Variants in ERCC6 observed in about 807,000 individuals in gnomAD.
ERCC6 encodes DNA excision repair protein ERCC-6.
ERCC6 carries 116 observed loss-of-function variants against 158.7 expected under a neutral mutation model. The ratio of observed to expected loss-of-function variants is 0.73; its 90% confidence interval spans 0.63 to 0.85. ERCC6 has a LOEUF of 0.85. ERCC6 is among the 40% of genes least tolerant of loss of function. The pLI, the probability that ERCC6 is intolerant of heterozygous loss-of-function variation, is 0.00. For missense variants in ERCC6, 1,698 were observed against 1,799.4 expected (o/e 0.94, Z 1.02); for synonymous variants, 678 against 659.3 (o/e 1.03, Z -0.43).
chr10:49,506,529 ATTACT>A (rs754014388), intron 5 of ERCC6: 1 of 158,876 alleles, frequency 6.3e-6, no homozygotes, highest in African/African-American at 2.4e-5. Context: ...CACATTACTG[ATTACT>A]TAACTGGGGG....
chr10:49,512,557 T>C (rs2132591190), intron 5 of ERCC6, among the ~76,000 whole-genome samples: 1 of 152,340 alleles, frequency 6.6e-6, no homozygotes. Flanking sequence ...ACCAAAAGCA[T>C]AACATCAATA....
intron 3 of ERCC6, among the ~76,000 whole-genome samples, chr10:49,529,539 A>T (rs1837419788): frequency 6.6e-6 from 1 of 152,106 alleles, no homozygotes. Flanking sequence ...ATTTGGGAGG[A>T]CCCACCTGCC....
chr10:49,475,547 A>G (rs1029402376), intron 12 of ERCC6: 1 of 364,346 alleles, frequency 2.7e-6, no homozygotes, highest in African/African-American at 2.1e-5. Context: ...GATGGTTAAA[A>G]GAACTGAAAT....
the ERCC6 span, among the ~76,000 whole-genome samples, chr10:49,441,893 G>A: frequency 1.3e-5 from 2 of 152,216 alleles, no homozygotes; most frequent in African/African-American, 4.8e-5. Flanking sequence ...AACAAAAGCA[G>A]GCGGGAGAAA....
intron 2 of ERCC6, among the ~76,000 whole-genome samples, chr10:49,531,196 T>TGTCC (rs1837461876): frequency 6.6e-6 from 1 of 152,192 alleles, no homozygotes; most frequent in Non-Finnish European, 1.5e-5. Flanking sequence ...ATACATGGGT[T>TGTCC]TTTTAAGCCC....
At position 49,526,117 on chromosome 10, in the gene ERCC6, T is replaced by TTATA. The variant is rs55801003; in HGVS notation, c.653-1344_653-1341dup. On this transcript the variant is annotated intron_variant, in intron 4 of 20. Coordinates refer to ENST00000355832, the MANE Select transcript of ERCC6 (RefSeq NM_000124.4). ...TATATATTTATATATTTATATATTT[T>TTATA]TATATATATATATATATATATATAT... Among the ~76,000 whole-genome samples the TTATA allele has an allele frequency of 6.4e-3, 276 of 43,238 alleles. 1 individual carries two copies. The highest frequency in any genetic ancestry group is 8.8e-3 in the African/African-American group (101 of 11,502). 28.4% of individuals were successfully genotyped at this position (43,238 alleles called of 152,430 possible).
chr10:49,438,163 G>A, the ERCC6 span, among the ~76,000 whole-genome samples: 17 of 152,192 alleles, frequency 1.1e-4, no homozygotes, highest in African/African-American at 4.1e-4. Context: ...TGGCCAGGAA[G>A]GCATGGTCAG....
In ERCC6 at chr10:49,470,970, A is replaced by G; in HGVS notation, c.3070+5T>C. On this transcript the variant is annotated splice_donor_5th_base_variant and intron_variant, in intron 17 of 20. Coordinates refer to ENST00000355832, the MANE Select transcript of ERCC6 (RefSeq NM_000124.4). ...TACTTTAAATTAAATGATTTTATGT[A>G]ATACCTGCAAAAATTGCACTTGTTT... 7.4e-6 allele frequency: 12 copies of G among 1,613,982 alleles called. No individual in the cohort carries two copies. The highest frequency in any genetic ancestry group is 1.0e-5 in the Non-Finnish European group (12 of 1,180,006).
intron 15 of ERCC6, 80 bp from the exon 16 acceptor site, chr10:49,472,550 G>GT: frequency 7.4e-7 from 1 of 1,346,278 alleles, no homozygotes; most frequent in South Asian, 1.2e-5. Context: ...AAGCTAGCTG[G>GT]TCACTACCTG....
intron 16 of ERCC6, among the ~76,000 whole-genome samples, chr10:49,471,797 A>G (rs1850786007): frequency 6.6e-6 from 1 of 152,242 alleles, no homozygotes; most frequent in Non-Finnish European, 1.5e-5. Flanking sequence ...GCTTCCTATA[A>G]AAGCTGGGCT....
intron 5 of ERCC6, among the ~76,000 whole-genome samples, chr10:49,522,533 C>A (rs1415196089): frequency 6.6e-6 from 1 of 152,118 alleles, no homozygotes; most frequent in Admixed American, 6.5e-5. Flanking sequence ...AATTGTTTTA[C>A]AATCTTAACA....
chr10:49,457,761 A>G lies in ERCC6; in HGVS notation c.*1054T>C, dbSNP rs1850508154. The G allele has an allele frequency of 6.6e-6, 1 of 152,292 alleles. No homozygotes were observed. Among genetic ancestry groups the G allele is most frequent in the African/African-American group, 2.4e-5 (1 of 41,470 alleles). The allele number at this position is 152,292 out of a possible 1,614,324, so 9.4% of individuals were successfully genotyped here. On this transcript the variant is annotated 3_prime_UTR_variant, in exon 21 of 21. Coordinates refer to ENST00000355832, the MANE Select transcript of ERCC6 (RefSeq NM_000124.4). ...AGATGATAAAATCATCCTGAGAAGG[A>G]AACAAGAAAAACATGGGTAAGAAAA...
At chr10:49,526,117 T>TATATTTATATATTTATATATTTATATA (rs1837326508) in intron 4 of ERCC6, among the ~76,000 whole-genome samples, 1 of 43,590 alleles carries the variant, frequency 2.3e-5, no homozygotes, top group African/African-American at 8.6e-5. Flanking sequence ...TTATATATTT[T>TATATTTATATATTTATATATTTATATA]TATATATATA....
intron 4 of ERCC6, among the ~76,000 whole-genome samples, chr10:49,526,493 T>C (rs1837343874): frequency 6.6e-6 from 1 of 152,168 alleles, no homozygotes; most frequent in African/African-American, 2.4e-5. Context: ...GATTCACACA[T>C]GTATTGCAAA....
At chr10:49,496,034 C>T (rs1325539982) in intron 7 of ERCC6, among the ~76,000 whole-genome samples, 1 of 152,224 alleles carries the variant, frequency 6.6e-6, no homozygotes, top group Non-Finnish European at 1.5e-5. Flanking sequence ...CCTCTCACTG[C>T]CATTATCCTA....
chr10:49,449,725 T>C (rs184155460), downstream of ERCC6, among the ~76,000 whole-genome samples: 415 of 151,984 alleles, frequency 2.7e-3, 1 homozygote, highest in African/African-American at 9.7e-3. Context: ...CTAATTTTTG[T>C]ATTTTTAGTA....
intron 5 of ERCC6, chr10:49,516,046 T>C (rs1445272029): frequency 6.2e-7 from 1 of 1,614,148 alleles, no homozygotes; most frequent in South Asian, 1.1e-5. Context: ...AGTGCAATAC[T>C]GGTGAAAAAG....
chr10:49,461,709 T>C (rs545862230), intron 18 of ERCC6, among the ~76,000 whole-genome samples, 153 bp from the exon 19 acceptor site: 13 of 152,320 alleles, frequency 8.5e-5, no homozygotes, highest in African/African-American at 3.1e-4. Flanking sequence ...AATAGTAAGA[T>C]AATTCAAGCA....
chr10:49,455,036 A>C lies in ERCC6; in HGVS notation c.*3779T>G, dbSNP rs1448170327. 6.6e-6 allele frequency among the ~76,000 whole-genome samples: 1 copy of C among 152,066 alleles called. No homozygotes were observed. Among genetic ancestry groups the C allele is most frequent in the Admixed American group, 6.5e-5 (1 of 15,270 alleles). On this transcript the variant is annotated 3_prime_UTR_variant, in exon 21 of 21. Transcript: ENST00000355832. ...CCTAGCTAGGGAATGGTTCTTAAAT[A>C]AACAAAAAAAAATGGAAAGACTGAA...
Sources: allele counts gnomAD v4.1 joint callset (sites outside exome capture counted in the v4.1 genomes callset), GRCh38; gene constraint gnomAD v4.1.1; transcripts MANE v1.5; gene names NCBI Gene and HGNC (gene_info 2026-07-23, HGNC 2026-07-21).